Variants in TMPRSS9 observed in about 807,000 individuals in gnomAD.
TMPRSS9 encodes transmembrane serine protease 9.
Under a neutral mutation model 111.4 loss-of-function variants are expected in TMPRSS9, and 113 were observed. That is an observed-to-expected ratio of 1.01 (90% CI 0.87 to 1.19). The LOEUF is 1.19. Ranked by LOEUF, TMPRSS9 falls within the 50% of genes most tolerant of loss-of-function variation. TMPRSS9 has a pLI of 0.00. For missense variants in TMPRSS9, 1,803 were observed against 1,513.1 expected (o/e 1.19, Z -3.18); for synonymous variants, 805 against 659.1 (o/e 1.22, Z -3.39).
intron 8 of TMPRSS9, among the ~76,000 whole-genome samples, chr19:2,409,575 A>C (rs986745656): frequency 6.6e-6 from 1 of 152,148 alleles, no homozygotes; most frequent in Non-Finnish European, 1.5e-5. Flanking sequence ...AAATGAATCC[A>C]GTGGAGAAAA....
At position 2,418,097 on chromosome 19, in the gene TMPRSS9, A is replaced by G. The variant is rs576958543; in HGVS notation, c.2113A>G (p.Ile705Val). The stretch of plus-strand genomic sequence containing the variant: ...CAACTTCTCCCTCACAGACCGCATG[A>G]TCTGCGCAGGCTTCCTGGAAGGCAA... Residue 705 changes from isoleucine to valine, a missense_variant, in exon 13 of 18, where the codon ATC (isoleucine) becomes GTC (valine). Physicochemically the swap from Ile to Val is conservative, Grantham distance 29 (BLOSUM62 3). Coordinates refer to ENST00000648592, the Ensembl canonical transcript of TMPRSS9. The G allele has an allele frequency of 3.7e-6, 6 of 1,612,250 alleles. No individual in the cohort carries two copies. Among genetic ancestry groups the G allele is most frequent in the Non-Finnish European group, 5.1e-6 (6 of 1,179,656 alleles).
chr19:2,362,119 G>A (rs979620568), intron 1 of TMPRSS9, among the ~76,000 whole-genome samples: 1 of 152,118 alleles, frequency 6.6e-6, no homozygotes, highest in Admixed American at 6.6e-5. Context: ...GTGGGGTCAT[G>A]AGTGATCGTT....
intron 11 of TMPRSS9, chr19:2,416,271 TGGGG>T (rs5826767): frequency 2.1e-6 from 1 of 476,730 alleles, no homozygotes; most frequent in African/African-American, 2.0e-5. Flanking sequence ...TGTAGGGGGT[TGGGG>T]GGGGGCATTG....
At chr19:2,426,180 G>A (rs941046698) in exon 18 of TMPRSS9, 7 of 1,000,278 alleles carry the variant, frequency 7.0e-6, no homozygotes, top group Admixed American at 7.2e-5. Context: ...CCTACCCAAG[G>A]ACGGGTGTGG....
At chr19:2,379,643 T>TTC (rs1453287493) in intron 1 of TMPRSS9, among the ~76,000 whole-genome samples, 2 of 148,688 alleles carry the variant, frequency 1.3e-5, no homozygotes, top group Admixed American at 6.8e-5. Context: ...CTTTCTTTCT[T>TTC]TCTTTCTTTC....
At chr19:2,414,996 A>G (rs1599308390) in intron 10 of TMPRSS9, among the ~76,000 whole-genome samples, 2 of 124,328 alleles carry the variant, frequency 1.6e-5, no homozygotes. Flanking sequence ...CCCAGGCTGG[A>G]GTGCAGTGGT....
In TMPRSS9 at chr19:2,362,431, G is replaced by A. The variant is rs570550155; in HGVS notation, c.-26+2071G>A. On this transcript the variant is annotated intron_variant, in intron 1 of 17. Coordinates refer to the TMPRSS9 transcript ENST00000649857. ...TAATTGTGTGTATGGGTGTGTGACT[G>A]CATGTGTGAGACCGTGTATGGTTGT... Among the ~76,000 whole-genome samples, 58 of 152,180 alleles carry A rather than the reference G, an allele frequency of 3.8e-4. 2 individuals carry two copies. Among genetic ancestry groups the A allele is most frequent in the African/African-American group, 1.4e-3 (57 of 41,490 alleles).
chr19:2,374,105 A>G (rs920626665), intron 1 of TMPRSS9, among the ~76,000 whole-genome samples: 1 of 152,176 alleles, frequency 6.6e-6, no homozygotes, highest in Non-Finnish European at 1.5e-5. Context: ...CCCGAGCTAC[A>G]GAGCTCTGAC....
chr19:2,412,726 T>C (rs1314950874), intron 9 of TMPRSS9, among the ~76,000 whole-genome samples: 3 of 152,160 alleles, frequency 2.0e-5, no homozygotes, highest in Admixed American at 6.6e-5. Context: ...TCCTGCCTAA[T>C]TTTTTTAGCA....
At chr19:2,367,205 G>A (rs1445329047) in intron 1 of TMPRSS9, among the ~76,000 whole-genome samples, 3 of 152,244 alleles carry the variant, frequency 2.0e-5, no homozygotes, top group Non-Finnish European at 4.4e-5. Context: ...GCTAGGTGAG[G>A]ATAGCAAATA....
intron 7 of TMPRSS9, among the ~76,000 whole-genome samples, chr19:2,406,182 A>AT (rs1001488023): frequency 4.6e-4 from 64 of 139,162 alleles, no homozygotes; most frequent in African/African-American, 1.2e-3. Flanking sequence ...AGCTAATTTA[A>AT]TTTTTTTTTG....
intron 1 of TMPRSS9, among the ~76,000 whole-genome samples, chr19:2,390,912 T>C (rs1251234608): frequency 6.6e-6 from 1 of 151,606 alleles, no homozygotes; most frequent in Non-Finnish European, 1.5e-5. Context: ...CTCATACCTG[T>C]AATCTCAACT....
At chr19:2,379,621 C>CTTTCTTTCTT (rs1568170730) in intron 1 of TMPRSS9, among the ~76,000 whole-genome samples, 1 of 128,464 alleles carries the variant, frequency 7.8e-6, no homozygotes, top group Non-Finnish European at 1.6e-5. Flanking sequence ...CTTTCTCTTT[C>CTTTCTTTCTT]TTTCTTTCTT....
chr19:2,421,100 G>A (rs1971453181), intron 13 of TMPRSS9, among the ~76,000 whole-genome samples: 2 of 151,594 alleles, frequency 1.3e-5, no homozygotes, highest in African/African-American at 4.8e-5. Context: ...CAGCTACTCG[G>A]GAGGCTGAGG....
intron 10 of TMPRSS9, among the ~76,000 whole-genome samples, chr19:2,414,925 T>C (rs371839717): frequency 1.3e-5 from 2 of 150,342 alleles, no homozygotes; most frequent in African/African-American, 4.9e-5. Context: ...TTCCAAAAAC[T>C]GTTAGTTGCA....
At chr19:2,418,193 T>C in intron 13 of TMPRSS9, 55 bp downstream of exon 14, 1 of 1,529,054 alleles carries the variant, frequency 6.5e-7, no homozygotes. Flanking sequence ...CCCACAGCCG[T>C]TCACCCAGCA....
Position 2,374,791 on chromosome 19 carries a change from A to T in TMPRSS9, c.-26+14431A>T, listed in dbSNP as rs145167272. 5.3e-3 allele frequency among the ~76,000 whole-genome samples: 802 copies of T among 152,200 alleles called. 2 individuals carry two copies. The highest frequency in any genetic ancestry group is 8.3e-3 in the Admixed American group (127 of 15,256). On this transcript the variant is annotated intron_variant, in intron 1 of 17. Transcript: ENST00000649857. ...TTGGTGAGGTGGGCGCCGAGTGCAT[A>T]CGGTGGATAAGCCTGATGTTGTGTT...
upstream of TMPRSS9, among the ~76,000 whole-genome samples, chr19:2,385,546 G>A (rs892045745): frequency 2.0e-5 from 3 of 152,048 alleles, no homozygotes; most frequent in Admixed American, 1.3e-4. Flanking sequence ...GAGAACACCC[G>A]GAACAGGGAC....
intron 6 of TMPRSS9, among the ~76,000 whole-genome samples, chr19:2,403,991 CAA>C (rs924148287): frequency 2.8e-4 from 14 of 50,510 alleles, no homozygotes; most frequent in Admixed American, 9.1e-4. Flanking sequence ...GACTCTGTCT[CAA>C]AAAAAAAAAA....
Sources: gnomAD v4.1 joint callset for allele counts (sites outside exome capture counted in the v4.1 genomes callset) on GRCh38, gnomAD v4.1.1 for gene constraint, MANE v1.5 for transcripts, NCBI Gene and HGNC (gene_info 2026-07-23, HGNC 2026-07-21) for gene names.